The following CDH13 variants were observed in gnomAD, a reference collection of about 807,000 sequenced individuals.
CDH13 encodes cadherin-13.
CDH13 carries 24 observed loss-of-function variants against 63.8 expected under a neutral mutation model. That is an observed-to-expected ratio of 0.38 (90% CI 0.27 to 0.53). The LOEUF is 0.53. CDH13 is among the 20% of genes least tolerant of loss of function. The pLI is 0.85. For synonymous variants in CDH13, 503 were observed against 355.3 expected, an observed-to-expected ratio of 1.42 and a Z score of -4.67; for missense variants, 1,049 against 903.1, an observed-to-expected ratio of 1.16 and a Z score of -2.07.
chr16:83,241,570 C>G (rs151063411), intron 5 of CDH13, among the ~76,000 whole-genome samples: 1 of 152,078 alleles, frequency 6.6e-6, no homozygotes, highest in Non-Finnish European at 1.5e-5. Context: ...ATTTGCATTT[C>G]TTTTAGGATT....
chr16:83,399,309 G>A (rs180879958), intron 6 of CDH13, among the ~76,000 whole-genome samples: 1 of 152,306 alleles, frequency 6.6e-6, no homozygotes, highest in East Asian at 1.9e-4. Flanking sequence ...ACTGTCAAGT[G>A]TTTTGAAATA....
Position 82,950,076 on chromosome 16 carries a change from A to T in CDH13, c.158-81934A>T, listed in dbSNP as rs182645645. Among the ~76,000 whole-genome samples, 122 of 152,236 alleles carry T rather than the reference A, an allele frequency of 8.0e-4. 1 individual carries two copies. Among genetic ancestry groups the T allele is most frequent in the Non-Finnish European group, 1.6e-3 (112 of 68,022 alleles). On this transcript the variant is annotated intron_variant, in intron 2 of 13. Coordinates refer to ENST00000567109, the MANE Select transcript of CDH13 (RefSeq NM_001257.5). ...GGGCTCCTATAACAAAGTGCCACAAACTGGGTGGCTTAAACAAAATAAATT... is the reference window on the plus strand; with the variant it reads ...GGGCTCCTATAACAAAGTGCCACAATCTGGGTGGCTTAAACAAAATAAATT...
intron 4 of CDH13, among the ~76,000 whole-genome samples, chr16:83,191,449 C>G (rs1384929345): frequency 1.2e-5 from 1 of 82,128 alleles, no homozygotes; most frequent in Non-Finnish European, 2.4e-5. Flanking sequence ...AAGGACAGAA[C>G]TAATAGGAAA....
At chr16:83,667,418 A>C (rs991625505) in intron 8 of CDH13, among the ~76,000 whole-genome samples, 1 of 151,662 alleles carries the variant, frequency 6.6e-6, no homozygotes, top group African/African-American at 2.4e-5. Flanking sequence ...CCACCTACCC[A>C]TCCATCCATC....
chr16:83,170,899 G>C (rs2037885723), intron 4 of CDH13, among the ~76,000 whole-genome samples: 1 of 147,956 alleles, frequency 6.8e-6, no homozygotes, highest in African/African-American at 2.5e-5. Context: ...CAATGAAAAT[G>C]ACAAAATTGA....
At chr16:82,748,233 AC>A (rs2034264120) in intron 1 of CDH13, among the ~76,000 whole-genome samples, 1 of 152,192 alleles carries the variant, frequency 6.6e-6, no homozygotes, top group Non-Finnish European at 1.5e-5. Context: ...GGCTGGATCC[AC>A]AAACCCCACA....
intron 4 of CDH13, among the ~76,000 whole-genome samples, chr16:83,170,509 C>A (rs1353884488): frequency 6.6e-6 from 1 of 152,112 alleles, no homozygotes; most frequent in Non-Finnish European, 1.5e-5. Context: ...AATACAATTT[C>A]CCCCAATTCC....
intron 10 of CDH13, among the ~76,000 whole-genome samples, chr16:83,705,476 G>T (rs1324885732): frequency 6.6e-6 from 1 of 152,026 alleles, no homozygotes; most frequent in Non-Finnish European, 1.5e-5. Context: ...CAAAAAATTA[G>T]CCGGGCATGA....
At chr16:83,549,612 T>G (rs1034773009) in intron 7 of CDH13, among the ~76,000 whole-genome samples, 3 of 151,068 alleles carry the variant, frequency 2.0e-5, no homozygotes, top group Non-Finnish European at 4.4e-5. Flanking sequence ...GGACTATAGC[T>G]TTATTTCTTG....
At chr16:83,458,907 C>G (rs548585128) in intron 6 of CDH13, among the ~76,000 whole-genome samples, 1 of 152,176 alleles carries the variant, frequency 6.6e-6, no homozygotes, top group African/African-American at 2.4e-5. Flanking sequence ...TGCACTGCTT[C>G]TAGATATTGT....
chr16:82,940,267 G>T (rs905845015), intron 2 of CDH13, among the ~76,000 whole-genome samples: 1 of 152,144 alleles, frequency 6.6e-6, no homozygotes, highest in Non-Finnish European at 1.5e-5. Flanking sequence ...ACTTGAATAC[G>T]TTGCCTTGAG....
chr16:83,795,061 A>C lies in CDH13; in HGVS notation c.*31A>C, dbSNP rs1202274670. 4.5e-6 allele frequency: 7 copies of C among 1,570,446 alleles called. No homozygotes were observed. Among genetic ancestry groups the C allele is most frequent in the Non-Finnish European group, 6.0e-6 (7 of 1,158,280 alleles). On this transcript the variant is annotated 3_prime_UTR_variant, in exon 14 of 14. Transcript: ENST00000567109. ...CCTGACGTCTGAAGCTTGACTCCCAAGTTTCCATAGCAACAGGAAAAAAAA... is the reference window on the plus strand; with the variant it reads ...CCTGACGTCTGAAGCTTGACTCCCACGTTTCCATAGCAACAGGAAAAAAAA...
chr16:82,905,683 T>C (rs1351765500), intron 2 of CDH13, among the ~76,000 whole-genome samples: 1 of 152,202 alleles, frequency 6.6e-6, no homozygotes, highest in East Asian at 1.9e-4. Context: ...TAAAATTAAT[T>C]TTAATAATGT....
At chr16:83,506,985 C>G (rs1443250597) in intron 7 of CDH13, among the ~76,000 whole-genome samples, 5 of 152,214 alleles carry the variant, frequency 3.3e-5, no homozygotes, top group Admixed American at 2.6e-4. Flanking sequence ...TGTGTGCAAT[C>G]ATAAATGTTT....
intron 2 of CDH13, among the ~76,000 whole-genome samples, chr16:82,929,886 AGATT>A (rs1420755558): frequency 2.6e-5 from 4 of 151,980 alleles, no homozygotes; most frequent in Non-Finnish European, 5.9e-5. Flanking sequence ...ACAAATCTAT[AGATT>A]GATTAGTTTT....
At chr16:82,698,598 G>A (rs1352669301) in intron 1 of CDH13, among the ~76,000 whole-genome samples, 1 of 152,144 alleles carries the variant, frequency 6.6e-6, no homozygotes, top group Non-Finnish European at 1.5e-5. Context: ...GAGCATTGGA[G>A]GAGGCATGAG....
At position 82,626,991 on chromosome 16, in the gene CDH13, C is replaced by A; in HGVS notation, c.-102C>A. 3 of 1,366,204 alleles carry A rather than the reference C, an allele frequency of 2.2e-6. No individual in the cohort carries two copies. Among genetic ancestry groups the A allele is most frequent in the East Asian group, 2.5e-5 (1 of 39,968 alleles). The allele number at this position is 1,366,204 out of a possible 1,614,324, so 84.6% of individuals were successfully genotyped here. A position where few individuals can be genotyped will look rare whatever the true frequency, so the allele number is the denominator to read the frequency against. ...TCTATTTGGGAAGTTGGCTGGCTGG[C>A]GAGGCAGAGCCTCTCCTCAAAGCCT... On this transcript the variant is annotated 5_prime_UTR_variant, in exon 1 of 14. Coordinates refer to ENST00000567109, the MANE Select transcript of CDH13 (RefSeq NM_001257.5).
chr16:83,129,495 C>T (rs978285684), intron 4 of CDH13, among the ~76,000 whole-genome samples: 13 of 152,232 alleles, frequency 8.5e-5, no homozygotes, highest in African/African-American at 3.1e-4. Flanking sequence ...TTTATGAAGC[C>T]AGCTACCCCT....
At chr16:83,430,010 T>C (rs2072047424) in intron 6 of CDH13, among the ~76,000 whole-genome samples, 1 of 152,172 alleles carries the variant, frequency 6.6e-6, no homozygotes, top group African/African-American at 2.4e-5. Flanking sequence ...AATTGGACTG[T>C]TTTAGGTACC....
Sources: gnomAD v4.1 joint callset for allele counts (sites outside exome capture counted in the v4.1 genomes callset) on GRCh38, gnomAD v4.1.1 for gene constraint, MANE v1.5 for transcripts, NCBI Gene and HGNC (gene_info 2026-07-23, HGNC 2026-07-21) for gene names.